Variants in KCTD15 observed in about 807,000 individuals in gnomAD.
KCTD15 encodes BTB/POZ domain-containing protein KCTD15.
A neutral mutation model predicts 27.2 loss-of-function variants in KCTD15; 11 were observed. The ratio of observed to expected loss-of-function variants is 0.41; its 90% CI spans 0.25 to 0.67. KCTD15 has a LOEUF of 0.67. Ranked by LOEUF, KCTD15 falls within the 30% of genes least tolerant of loss-of-function variation. The pLI is 0.35. For missense variants in KCTD15, 350 were observed against 409.3 expected (o/e 0.86, Z 1.25); for synonymous variants, 163 against 176.0 (o/e 0.93, Z 0.58).
rs1976022036 is a variant in KCTD15, at chr19:33,814,048, C to G, written c.*1100C>G. 1 of 152,676 alleles carries G rather than the reference C, an allele frequency of 6.5e-6. No individual in the cohort carries two copies. Among genetic ancestry groups the G allele is most frequent in the Admixed American group, 6.5e-5 (1 of 15,268 alleles). 9.5% of individuals were successfully genotyped at this position (152,676 alleles called of 1,614,324 possible). A position where few individuals can be genotyped will look rare whatever the true frequency, so the allele number is the denominator to read the frequency against. On this transcript the variant is annotated 3_prime_UTR_variant, in exon 7 of 7. Transcript: ENST00000683859. The stretch of plus-strand genomic sequence containing the variant: ...CCCCCCCTGGCCTTGTGACAGCTCC[C>G]CAAGTGTTCTCCGGTGGAGAAACTG...
chr19:33,810,855 CT>C (rs1035493866), intron 5 of KCTD15, among the ~76,000 whole-genome samples: 3 of 151,844 alleles, frequency 2.0e-5, no homozygotes, highest in Non-Finnish European at 4.4e-5. Flanking sequence ...CCCGGCTGCC[CT>C]GTGCCCAGCA....
chr19:33,800,053 G>C (rs1414309968), intron 2 of KCTD15, among the ~76,000 whole-genome samples: 2 of 152,226 alleles, frequency 1.3e-5, no homozygotes, highest in Non-Finnish European at 2.9e-5. Flanking sequence ...GACACGCTTG[G>C]TAACATGGCT....
chr19:33,806,008 C>T (rs1388527563), intron 4 of KCTD15, among the ~76,000 whole-genome samples: 1 of 152,214 alleles, frequency 6.6e-6, no homozygotes, highest in Non-Finnish European at 1.5e-5. Context: ...CTCTCCAGTC[C>T]CCATCCGCCA....
intron 5 of KCTD15, among the ~76,000 whole-genome samples, chr19:33,808,829 A>C (rs1279407029): frequency 6.6e-6 from 1 of 152,142 alleles, no homozygotes; most frequent in Non-Finnish European, 1.5e-5. Flanking sequence ...AGATGGAGCA[A>C]GGTGGCACAT....
rs769608980 is a variant in KCTD15, at chr19:33,813,152, C to T, written c.*204C>T. The stretch of plus-strand genomic sequence containing the variant: ...CATGCCTGCAGAAGGACTGTTGATG[C>T]GACCCAAAGATACAGCGGTGGGATC... On this transcript the variant is annotated 3_prime_UTR_variant, in exon 7 of 7. Coordinates refer to ENST00000683859, the MANE Select transcript of KCTD15 (RefSeq NM_001129994.2). 54 of 630,206 alleles carry T rather than the reference C, an allele frequency of 8.6e-5. No homozygotes were observed. Among genetic ancestry groups the T allele is most frequent in the East Asian group, 2.5e-4 (9 of 36,384 alleles). The allele number at this position is 630,206 out of a possible 1,614,324, so 39.0% of individuals were successfully genotyped here. A position where few individuals can be genotyped will look rare whatever the true frequency, so the allele number is the denominator to read the frequency against.
rs774560706 is a variant in KCTD15, at chr19:33,800,489, C to G, written c.35C>G (p.Ser12Trp). Residue 12 changes from serine (S) to tryptophan (W), a missense_variant, in exon 3 of 7, where the codon TCG becomes TGG. Transcript: ENST00000683859. Reference sequence around the variant, plus strand: ...CGCAAGGAGCGGCCGAGCGGGTCCTCGCTTCACACACACGGCAGCACCGGC... The same window carrying G: ...CGCAAGGAGCGGCCGAGCGGGTCCTGGCTTCACACACACGGCAGCACCGGC... ...PHRKERPSGS[S>W]LHTHGSTGTA... 1.2e-6 allele frequency: 2 copies of G among 1,605,038 alleles called. No individual in the cohort carries two copies. Among genetic ancestry groups the G allele is most frequent in the Non-Finnish European group, 8.5e-7 (1 of 1,177,048 alleles).
chr19:33,801,247 C>T lies in KCTD15; in HGVS notation c.147C>T (p.Ala49=), dbSNP rs1012719259. The stretch of plus-strand genomic sequence containing the variant: ...CTGCCCAGGGCATCCCCCTGCCAGC[C>T]CAGCTCACCAAGTCCAATGCACCTG... ...PLAAQGIPLP[A]QLTKSNAPVH... is the part of the protein sequence containing the mutation. Residue 49 remains alanine (A), a synonymous_variant, in exon 4 of 7, where the codon GCC becomes GCT. Coordinates refer to ENST00000683859, the MANE Select transcript of KCTD15 (RefSeq NM_001129994.2). 2.5e-6 allele frequency: 4 copies of T among 1,613,548 alleles called. No individual in the cohort carries two copies. The highest frequency in any genetic ancestry group is 2.7e-5 in the African/African-American group (2 of 74,908).
chr19:33,807,083 T>G, intron 5 of KCTD15, 76 bp downstream of exon 5: 1 of 1,479,404 alleles, frequency 6.8e-7, no homozygotes, highest in African/African-American at 1.4e-5. Flanking sequence ...ACTTAATAAG[T>G]GGACCCCTGG....
chr19:33,807,368 A>G (rs1222448920), intron 5 of KCTD15, among the ~76,000 whole-genome samples: 1 of 152,168 alleles, frequency 6.6e-6, no homozygotes, highest in Non-Finnish European at 1.5e-5. Flanking sequence ...TGGGTGGATC[A>G]CTTGAGGTCA....
At chr19:33,794,085 A>T (rs932561917), upstream of KCTD15, among the ~76,000 whole-genome samples, 2 of 152,128 alleles carry the variant, frequency 1.3e-5, no homozygotes, top group Admixed American at 1.3e-4. Context: ...TGAAACTCTT[A>T]AAAAAACACG....
rs1445877372 is a variant in KCTD15, at chr19:33,800,442, G to A, written c.-13G>A. ...GCCTCCCGCAGATACTCTGGGCAGG[G>A]ATGGAAGCCTAGATGCCTCACCGCA... On this transcript the variant is annotated 5_prime_UTR_variant, in exon 3 of 7. Coordinates refer to ENST00000683859, the MANE Select transcript of KCTD15 (RefSeq NM_001129994.2). The A allele has an allele frequency of 1.9e-6, 3 of 1,601,190 alleles. No individual in the cohort carries two copies. Among genetic ancestry groups the A allele is most frequent in the Non-Finnish European group, 8.5e-7 (1 of 1,175,124 alleles).
At position 33,806,951 on chromosome 19, in the gene KCTD15, C is replaced by A. The variant is rs757755499; in HGVS notation, c.331C>A (p.Arg111Ser). Reference sequence around the variant, plus strand: ...CATTGACCGGGATGGGGAGATTTTCCGCTACGTCCTGAGCTTCCTGCGGAC... The same window carrying A: ...CATTGACCGGGATGGGGAGATTTTCAGCTACGTCCTGAGCTTCCTGCGGAC... ...YFIDRDGEIF[R>S]YVLSFLRTSK... The change falls in exon 5 of 7, where the codon CGC (arginine) becomes AGC (serine). Residue 111 changes from arginine to serine, a missense_variant. Coordinates refer to ENST00000683859, the MANE Select transcript of KCTD15 (RefSeq NM_001129994.2). 1 of 1,614,034 alleles carries A rather than the reference C, an allele frequency of 6.2e-7. No homozygotes were observed. The highest frequency in any genetic ancestry group is 1.3e-5 in the African/African-American group (1 of 74,922).
chr19:33,796,481 C>T (rs28524164), upstream of KCTD15: 78,786 of 149,550 alleles, frequency 0.53, 21,232 homozygotes, highest in Middle Eastern at 0.61. Flanking sequence ...CGCGGCGCAG[C>T]CGAGCCCCGA....
At chr19:33,808,969 T>C (rs1045199919) in intron 5 of KCTD15, among the ~76,000 whole-genome samples, 1 of 152,076 alleles carries the variant, frequency 6.6e-6, no homozygotes, top group Non-Finnish European at 1.5e-5. Context: ...ATGCTGTCTA[T>C]ACAAATTTGT....
intron 1 of KCTD15, among the ~76,000 whole-genome samples, chr19:33,797,988 G>A (rs1055712220): frequency 2.0e-5 from 3 of 152,006 alleles, no homozygotes; most frequent in African/African-American, 7.2e-5. Context: ...CGCTTCGGGT[G>A]CCGCGGCCAC....
chr19:33,795,411 C>T (rs1462346890), upstream of KCTD15, among the ~76,000 whole-genome samples: 2 of 152,224 alleles, frequency 1.3e-5, no homozygotes. Flanking sequence ...GAGTCCCCCT[C>T]ACCCCAGCTC....
intron 4 of KCTD15, among the ~76,000 whole-genome samples, chr19:33,805,572 G>A (rs1001639465): frequency 8.5e-5 from 13 of 152,190 alleles, no homozygotes; most frequent in African/African-American, 2.2e-4. Context: ...TGTGCAGGCC[G>A]GGCTGGGAAG....
At chr19:33,798,094 G>A (rs1206542844) in intron 1 of KCTD15, among the ~76,000 whole-genome samples, 3 of 151,984 alleles carry the variant, frequency 2.0e-5, no homozygotes, top group African/African-American at 4.8e-5. Context: ...GCGGGAGGGG[G>A]GGGGTGGGGA....
chr19:33,800,513 G>A lies in KCTD15; in HGVS notation c.59G>A (p.Gly20Asp), dbSNP rs1181697500. 1 of 1,595,122 alleles carries A rather than the reference G, an allele frequency of 6.3e-7. No homozygotes were observed. The highest frequency in any genetic ancestry group is 1.7e-5 in the Admixed American group (1 of 57,154). ...TCGCTTCACACACACGGCAGCACCG[G>A]CACCGCGGTGAGCCTGCAGGGTGGG... ...GSSLHTHGSTGTAEGGNMSRL... is the reference protein window; with the variant it reads ...GSSLHTHGSTDTAEGGNMSRL... The change falls in exon 3 of 7, where the codon GGC becomes GAC. Residue 20 changes from glycine to aspartate, a missense_variant. By Grantham distance (94) the Gly-to-Asp change is moderately conservative. This residue lies in a region of KCTD15 where 77 missense variants were observed against 72.7 expected (regional missense o/e 1.06). Transcript: ENST00000683859.
Sources: allele counts gnomAD v4.1 joint callset (sites outside exome capture counted in the v4.1 genomes callset), GRCh38; gene constraint gnomAD v4.1.1; regional missense constraint gnomAD v4.1.1; transcripts MANE v1.5; gene names NCBI Gene and HGNC (gene_info 2026-07-23, HGNC 2026-07-21).